SNX18: variants seen among roughly 807,000 people sequenced by gnomAD.
SNX18 encodes sorting nexin 18.
Under a neutral mutation model 48.7 loss-of-function variants are expected in SNX18, and 35 were observed. That is an observed-to-expected ratio of 0.72 (90% CI 0.55 to 0.95). The LOEUF (loss-of-function observed/expected upper bound fraction) is 0.95. Among genes scored for constraint, SNX18 ranks in the 40% least tolerant of loss-of-function variants. The probability of loss-of-function intolerance (pLI) is 0.00; values close to 1 mark genes in which losing one functional copy is unlikely to be tolerated. For missense variants in SNX18, 824 were observed against 871.0 expected (o/e 0.95, Z 0.68); for synonymous variants, 492 against 384.7 (o/e 1.28, Z -3.26).
the SNX18 span, among the ~76,000 whole-genome samples, chr5:54,571,531 A>T: frequency 6.3e-4 from 96 of 151,340 alleles, 1 homozygote; most frequent in African/African-American, 2.3e-3. Context: ...CAGAGATCCC[A>T]AGAAAACTGT....
In SNX18 at chr5:54,529,363, C is replaced by T. The variant is rs142704419; in HGVS notation, c.1621+9790C>T. ...AGCCCACGGGCCAGATTCACCCAGG[C>T]GCCTGTTTGTTACAGTGCTTGAGCT... On this transcript the variant is annotated intron_variant, in intron 1 of 1. Transcript: ENST00000381410. Among the ~76,000 whole-genome samples, 932 of 152,250 alleles carry T rather than the reference C, an allele frequency of 6.1e-3. 11 individuals are homozygous for T. Among genetic ancestry groups the T allele is most frequent in the African/African-American group, 0.021 (885 of 41,536 alleles).
At chr5:54,524,243 A>G (rs1279180150) in intron 1 of SNX18, among the ~76,000 whole-genome samples, 1 of 152,196 alleles carries the variant, frequency 6.6e-6, no homozygotes, top group Admixed American at 6.5e-5. Context: ...GTGACTGCCC[A>G]AGGACAGTCT....
chr5:54,647,577 G>A, the SNX18 span, among the ~76,000 whole-genome samples: 1 of 152,100 alleles, frequency 6.6e-6, no homozygotes, highest in South Asian at 2.1e-4. Flanking sequence ...ATGAGAGGAA[G>A]GGGAGGTAGG....
At chr5:54,551,510 T>G (rs943168360), downstream of SNX18, among the ~76,000 whole-genome samples, 1 of 152,236 alleles carries the variant, frequency 6.6e-6, no homozygotes, top group Non-Finnish European at 1.5e-5. Context: ...ACATCATTTC[T>G]TTTTCTTACC....
chr5:54,627,579 G>C, the SNX18 span, among the ~76,000 whole-genome samples: 1 of 152,124 alleles, frequency 6.6e-6, no homozygotes. Context: ...CCCTCCTGGG[G>C]TCTGAGGGCT....
chr5:54,525,009 C>T (rs569647939), intron 1 of SNX18, among the ~76,000 whole-genome samples: 29 of 152,312 alleles, frequency 1.9e-4, no homozygotes, highest in African/African-American at 6.0e-4. Context: ...GCCAAGAAGC[C>T]GTGGGTGCAG....
At chr5:54,553,944 A>C in the SNX18 span, among the ~76,000 whole-genome samples, 1 of 152,188 alleles carries the variant, frequency 6.6e-6, no homozygotes, top group Non-Finnish European at 1.5e-5. Context: ...GAATCAGCAA[A>C]CTTTAGCACA....
chr5:54,614,325 AG>A, the SNX18 span, among the ~76,000 whole-genome samples: 2 of 152,204 alleles, frequency 1.3e-5, no homozygotes, highest in Non-Finnish European at 2.9e-5. Flanking sequence ...CAGGCAGATA[AG>A]AGGGGTTTGT....
the SNX18 span, among the ~76,000 whole-genome samples, chr5:54,604,409 A>G: frequency 6.6e-6 from 1 of 152,376 alleles, no homozygotes; most frequent in South Asian, 2.1e-4. Flanking sequence ...TGTGATAAGT[A>G]CATACAATGA....
the SNX18 span, among the ~76,000 whole-genome samples, chr5:54,567,192 G>A: frequency 6.6e-6 from 1 of 151,836 alleles, no homozygotes; most frequent in Non-Finnish European, 1.5e-5. Flanking sequence ...CAGAGACATG[G>A]ATGTGTGTAT....
At chr5:54,593,927 T>C in the SNX18 span, among the ~76,000 whole-genome samples, 11 of 152,094 alleles carry the variant, frequency 7.2e-5, no homozygotes, top group African/African-American at 2.7e-4. Context: ...ACTATAAAAC[T>C]TAAAGAAAAG....
the SNX18 span, among the ~76,000 whole-genome samples, chr5:54,578,143 A>G: frequency 6.6e-6 from 1 of 152,192 alleles, no homozygotes; most frequent in African/African-American, 2.4e-5. Context: ...CCATGAACAC[A>G]ACTCTTCAGC....
chr5:54,579,412 G>C, the SNX18 span, among the ~76,000 whole-genome samples: 1 of 152,040 alleles, frequency 6.6e-6, no homozygotes, highest in Admixed American at 6.6e-5. Context: ...AACAGTGCCA[G>C]ATATATTTTA....
chr5:54,592,428 A>T, the SNX18 span, among the ~76,000 whole-genome samples: 123 of 152,332 alleles, frequency 8.1e-4, 1 homozygote, highest in African/African-American at 2.8e-3. Flanking sequence ...TTGTGGACAC[A>T]TGGCTTCCCT....
Position 54,527,860 on chromosome 5 carries a change from A to G in SNX18, c.1621+8287A>G, listed in dbSNP as rs1762165176. On this transcript the variant is annotated intron_variant, in intron 1 of 1. Transcript: ENST00000381410. The stretch of plus-strand genomic sequence containing the variant: ...GTTGATCTTGAAATAGATTTATAAG[A>G]TGTTTTTGTTTTTCCATTTATATGA... 1.1e-4 allele frequency among the ~76,000 whole-genome samples: 17 copies of G among 152,178 alleles called. 1 individual carries two copies. The highest frequency in any genetic ancestry group is 1.1e-3 in the Admixed American group (17 of 15,284).
downstream of SNX18, among the ~76,000 whole-genome samples, chr5:54,548,935 G>A (rs537379362): frequency 6.6e-6 from 1 of 152,320 alleles, no homozygotes; most frequent in South Asian, 2.1e-4. Context: ...ACCTATGCAC[G>A]TTCTCCTGTA....
the SNX18 span, among the ~76,000 whole-genome samples, chr5:54,601,818 C>T: frequency 1.3e-5 from 2 of 152,106 alleles, no homozygotes; most frequent in South Asian, 2.1e-4. Context: ...CCTCATTTCT[C>T]ACCTGTCTGC....
the SNX18 span, among the ~76,000 whole-genome samples, chr5:54,570,358 T>C: frequency 6.6e-6 from 1 of 152,232 alleles, no homozygotes; most frequent in Non-Finnish European, 1.5e-5. Flanking sequence ...ACTATAACAG[T>C]ATGTATATCT....
the SNX18 span, among the ~76,000 whole-genome samples, chr5:54,630,053 G>C: frequency 1.2e-3 from 179 of 152,314 alleles, 3 homozygotes; most frequent in East Asian, 0.025. Flanking sequence ...TGAACCGAGA[G>C]TTTGGTGTCA....
Sources: gnomAD v4.1 joint callset for allele counts (sites outside exome capture counted in the v4.1 genomes callset) on GRCh38, gnomAD v4.1.1 for gene constraint, MANE v1.5 for transcripts, NCBI Gene and HGNC (gene_info 2026-07-23, HGNC 2026-07-21) for gene names.